Variants in GMDS observed in about 807,000 individuals in gnomAD.
GMDS encodes GDP-mannose 4,6 dehydratase.
GMDS carries 20 observed loss-of-function variants against 49.9 expected under a neutral mutation model. The ratio of observed to expected loss-of-function variants is 0.40; its 90% CI spans 0.28 to 0.58. The LOEUF (loss-of-function observed/expected upper bound fraction) is 0.58, where lower values mean the gene tolerates loss of function less well. Ranked by LOEUF, GMDS falls within the 20% of genes least tolerant of loss-of-function variation. The probability of loss-of-function intolerance (pLI) is 0.42; values close to 1 mark genes in which losing one functional copy is unlikely to be tolerated. For missense variants in GMDS, 362 were observed against 481.4 expected (o/e 0.75, Z 2.32); for synonymous variants, 177 against 178.6 (o/e 0.99, Z 0.07).
chr6:1,938,391 T>C (rs533977059), intron 6 of GMDS, among the ~76,000 whole-genome samples: 9 of 152,328 alleles, frequency 5.9e-5, no homozygotes, highest in Non-Finnish European at 1.0e-4. Context: ...GTTCCCTTAA[T>C]GTGGAAAAAT....
intron 4 of GMDS, among the ~76,000 whole-genome samples, chr6:2,015,946 C>G (rs1767865102): frequency 6.6e-6 from 1 of 151,494 alleles, no homozygotes; most frequent in Non-Finnish European, 1.5e-5. Context: ...GAGATTTCAC[C>G]TTAAAGGAAG....
At chr6:2,056,745 T>C (rs540657209) in intron 4 of GMDS, among the ~76,000 whole-genome samples, 5 of 152,322 alleles carry the variant, frequency 3.3e-5, no homozygotes, top group Admixed American at 3.3e-4. Flanking sequence ...CCAATCAATC[T>C]TAACCAACCA....
chr6:2,131,792 C>T (rs956957689), intron 1 of GMDS, among the ~76,000 whole-genome samples: 3 of 147,268 alleles, frequency 2.0e-5, no homozygotes, highest in African/African-American at 7.9e-5. Flanking sequence ...CAGTATCTCA[C>T]TGGTTTTCCT....
intron 7 of GMDS, among the ~76,000 whole-genome samples, chr6:1,789,532 C>CTTTTTTTTTTTTTTT (rs59996305): frequency 7.1e-6 from 1 of 141,270 alleles, no homozygotes; most frequent in African/African-American, 2.6e-5. Context: ...TTTCTTTTTT[C>CTTTTTTTTTTTTTTT]TTTTTTTTTT....
At chr6:2,014,859 C>T (rs1429092707) in intron 4 of GMDS, among the ~76,000 whole-genome samples, 1 of 151,740 alleles carries the variant, frequency 6.6e-6, no homozygotes, top group African/African-American at 2.4e-5. Flanking sequence ...ACAGGTAGAT[C>T]AAAAGTAAAG....
chr6:2,036,856 C>T lies in GMDS; in HGVS notation c.346-75890G>A, dbSNP rs1341874675. Among the ~76,000 whole-genome samples, 3 of 152,176 alleles carry T rather than the reference C, an allele frequency of 2.0e-5. 1 individual carries two copies. The highest frequency in any genetic ancestry group is 4.1e-4 in the South Asian group (2 of 4,824). On this transcript the variant is annotated intron_variant, in intron 4 of 10. Transcript: ENST00000380815. The stretch of plus-strand genomic sequence containing the variant: ...TGGTAAGCAGTATTCTCCAAATTAA[C>T]GTGGCGTAGCTCACCTTATGCTATC...
At chr6:2,171,709 C>G (rs1215538352) in intron 1 of GMDS, among the ~76,000 whole-genome samples, 1 of 152,102 alleles carries the variant, frequency 6.6e-6, no homozygotes, top group Non-Finnish European at 1.5e-5. Flanking sequence ...TAGTGTGAAA[C>G]TATTTACCAC....
At chr6:1,674,335 T>C (rs1021798447) in intron 9 of GMDS, among the ~76,000 whole-genome samples, 5 of 152,170 alleles carry the variant, frequency 3.3e-5, no homozygotes, top group African/African-American at 1.2e-4. Flanking sequence ...GTGAGGTGTC[T>C]ATTAGCTCAT....
chr6:2,238,149 G>C (rs1228821467), intron 1 of GMDS, among the ~76,000 whole-genome samples: 1 of 151,578 alleles, frequency 6.6e-6, no homozygotes, highest in African/African-American at 2.4e-5. Context: ...GCACTTGGGA[G>C]GCCAAGACCA....
intron 4 of GMDS, among the ~76,000 whole-genome samples, chr6:2,107,499 T>C (rs887270161): frequency 1.3e-5 from 2 of 152,214 alleles, no homozygotes; most frequent in African/African-American, 4.8e-5. Flanking sequence ...ATTATAAACC[T>C]AAACATGAAA....
intron 1 of GMDS, among the ~76,000 whole-genome samples, chr6:2,242,265 G>C (rs1028115112): frequency 6.6e-6 from 1 of 152,238 alleles, no homozygotes; most frequent in Non-Finnish European, 1.5e-5. Context: ...ACATCTCCAA[G>C]AGTGCAGTAA....
At chr6:1,756,496 T>A (rs946083332) in intron 7 of GMDS, among the ~76,000 whole-genome samples, 9 of 152,324 alleles carry the variant, frequency 5.9e-5, no homozygotes, top group African/African-American at 1.7e-4. Flanking sequence ...GGTCTTGAAC[T>A]CCTGACCTCA....
intron 9 of GMDS, among the ~76,000 whole-genome samples, chr6:1,637,593 T>C (rs577185699): frequency 6.6e-6 from 1 of 152,268 alleles, no homozygotes; most frequent in East Asian, 1.9e-4. Flanking sequence ...ACATAAATAA[T>C]GGCACAAGGG....
chr6:2,007,612 C>G (rs894767515), intron 4 of GMDS, among the ~76,000 whole-genome samples: 3 of 150,492 alleles, frequency 2.0e-5, no homozygotes, highest in African/African-American at 7.3e-5. Context: ...TTTTATTTTA[C>G]GTTCAGGGGA....
chr6:1,911,512 C>A (rs546763247), intron 7 of GMDS, among the ~76,000 whole-genome samples: 1 of 150,670 alleles, frequency 6.6e-6, no homozygotes, highest in African/African-American at 2.4e-5. Flanking sequence ...AAAAAACAGA[C>A]GTTTATATTT....
chr6:1,889,852 T>C (rs569751243), intron 7 of GMDS, among the ~76,000 whole-genome samples: 47 of 152,336 alleles, frequency 3.1e-4, no homozygotes, highest in Middle Eastern at 3.4e-3. Flanking sequence ...TTCATATAAA[T>C]GGAATCATAT....
intron 4 of GMDS, among the ~76,000 whole-genome samples, chr6:2,041,418 T>C: frequency 6.6e-6 from 1 of 152,220 alleles, no homozygotes; most frequent in East Asian, 1.9e-4. Flanking sequence ...ACCCATGACA[T>C]TTATCTCAGA....
At chr6:2,054,001 C>A (rs1037604209) in intron 4 of GMDS, among the ~76,000 whole-genome samples, 1 of 151,950 alleles carries the variant, frequency 6.6e-6, no homozygotes, top group Non-Finnish European at 1.5e-5. Flanking sequence ...CCTATAAAAA[C>A]CACATCAAAT....
intron 4 of GMDS, among the ~76,000 whole-genome samples, chr6:2,097,483 G>A (rs1773675478): frequency 6.6e-6 from 1 of 152,136 alleles, no homozygotes; most frequent in Non-Finnish European, 1.5e-5. Flanking sequence ...AATTATGCCT[G>A]GCTTTAAATA....
Sources: allele counts gnomAD v4.1 joint callset (sites outside exome capture counted in the v4.1 genomes callset), GRCh38; gene constraint gnomAD v4.1.1; transcripts MANE v1.5; gene names NCBI Gene and HGNC (gene_info 2026-07-23, HGNC 2026-07-21).